SETD2: variants seen among roughly 807,000 people sequenced by gnomAD.
The protein encoded by SETD2 is SET domain containing 2, histone lysine methyltransferase, also known as histone-lysine N-methyltransferase SETD2.
Under a neutral mutation model 242.1 loss-of-function variants are expected in SETD2, and 31 were observed. That is an observed-to-expected ratio of 0.13 (90% CI 0.10 to 0.17). The LOEUF (loss-of-function observed/expected upper bound fraction) is 0.17. Among genes scored for constraint, SETD2 ranks in the 10% least tolerant of loss-of-function variants. The probability of loss-of-function intolerance (pLI) is 1.00; values close to 1 mark genes in which losing one functional copy is unlikely to be tolerated. For missense variants in SETD2, 2,481 were observed against 3,046.3 expected (o/e 0.81, Z 4.37); for synonymous variants, 1,006 against 1,066.5 (o/e 0.94, Z 1.11).
rs1039108977 is a variant in SETD2, at chr3:47,139,893, CCTT to C, written c.72-13233_72-13231del. Among the ~76,000 whole-genome samples, 68 of 152,236 alleles carry C rather than the reference CCTT, an allele frequency of 4.5e-4. No homozygotes were observed. In the South Asian group the frequency reaches 9.6e-3, roughly 21 times the overall value. On this transcript the variant is annotated intron_variant, in intron 1 of 20. Transcript: ENST00000409792. ...TGAGTAGACTTGATATACAAGCACT[CCTT>C]CTCACTTGTTTAAGTCCACATCTTC...
rs779750876 is a variant in SETD2, at chr3:47,083,767, T to C, written c.6013A>G (p.Ile2005Val). The stretch of plus-strand genomic sequence containing the variant: ...AGGAGTTTGGTGGCCAAATCACTTA[T>C]ATCCACTGTTTTATCTGGCTGTTCT... ...SQEQPDKTVD[I>V]SDLATKLLDS... is the part of the protein sequence containing the mutation. Residue 2005 changes from isoleucine (I) to valine (V), a missense_variant, in exon 12 of 21, where the codon ATA becomes GTA. Physicochemically the swap from Ile to Val is conservative, Grantham distance 29 (BLOSUM62 3). Transcript: ENST00000409792. The C allele has an allele frequency of 1.8e-5, 29 of 1,614,000 alleles. No homozygotes were observed. The highest frequency in any genetic ancestry group is 1.7e-4 in the Admixed American group (10 of 59,978).
chr3:47,063,610 C>T (rs879648581), intron 13 of SETD2, among the ~76,000 whole-genome samples: 1 of 152,162 alleles, frequency 6.6e-6, no homozygotes, highest in Non-Finnish European at 1.5e-5. Flanking sequence ...TTCACTTACC[C>T]AATTCCATTC....
intron 12 of SETD2, among the ~76,000 whole-genome samples, chr3:47,078,310 T>C (rs2041179210): frequency 6.6e-6 from 1 of 152,140 alleles, no homozygotes. Flanking sequence ...ACTACTGTAA[T>C]ATTCCTGACC....
At chr3:47,082,012 T>C (rs981889142) in intron 12 of SETD2, among the ~76,000 whole-genome samples, 4 of 152,138 alleles carry the variant, frequency 2.6e-5, no homozygotes, top group African/African-American at 9.7e-5. Context: ...ATGTTTCAGA[T>C]AGGAGTGGGG....
chr3:47,159,100 T>G (rs1294869580), intron 1 of SETD2, among the ~76,000 whole-genome samples: 1 of 151,820 alleles, frequency 6.6e-6, no homozygotes, highest in Non-Finnish European at 1.5e-5. Context: ...AAATGTAAGA[T>G]TCCATCTTAA....
At chr3:47,132,733 C>T (rs1431573533) in intron 1 of SETD2, among the ~76,000 whole-genome samples, 1 of 152,202 alleles carries the variant, frequency 6.6e-6, no homozygotes, top group Non-Finnish European at 1.5e-5. Context: ...CAAAAATTCA[C>T]TCCTACCTAA....
Position 47,084,215 on chromosome 3 carries a change from G to T in SETD2, c.5565C>A (p.Leu1855=), listed in dbSNP as rs201901024. ...SENTSRAHTP[L]NTPDPSTKLS... is the part of the protein sequence containing the mutation. ...GCTTGGTGGAAGGATCAGGTGTGTT[G>T]AGTGGTGTATGAGCACGCGATGTAT... Residue 1855 remains leucine, a synonymous_variant, in exon 12 of 21, where the codon CTC becomes CTA. Coordinates refer to ENST00000409792, the MANE Select transcript of SETD2 (RefSeq NM_014159.7). The T allele has an allele frequency of 5.8e-5, 94 of 1,613,966 alleles. No individual in the cohort carries two copies. Among genetic ancestry groups the T allele is most frequent in the Non-Finnish European group, 6.8e-6 (8 of 1,180,034 alleles).
At chr3:47,159,787 CAAG>C (rs1697434256) in intron 1 of SETD2, among the ~76,000 whole-genome samples, 1 of 152,198 alleles carries the variant, frequency 6.6e-6, no homozygotes, top group African/African-American at 2.4e-5. Context: ...CCAGCGTGGC[CAAG>C]AAGGTGAAAC....
intron 1 of SETD2, among the ~76,000 whole-genome samples, chr3:47,162,503 G>A (rs1299010367): frequency 2.6e-5 from 4 of 152,186 alleles, no homozygotes; most frequent in Non-Finnish European, 5.9e-5. Flanking sequence ...TTTTAGAAAA[G>A]CAAAATAATG....
intron 14 of SETD2, among the ~76,000 whole-genome samples, chr3:47,061,929 T>TTAA (rs2040350676): frequency 6.6e-6 from 1 of 152,222 alleles, no homozygotes; most frequent in South Asian, 2.1e-4. Context: ...GACATTTAAA[T>TTAA]ATTATCAAAT....
intron 5 of SETD2, among the ~76,000 whole-genome samples, chr3:47,112,123 T>G (rs2042677992): frequency 6.6e-6 from 1 of 151,824 alleles, no homozygotes; most frequent in Non-Finnish European, 1.5e-5. Flanking sequence ...TACTTTTTTT[T>G]TTTTTTTTTG....
chr3:47,023,225 C>T (rs913818976), intron 18 of SETD2, among the ~76,000 whole-genome samples: 12 of 151,990 alleles, frequency 7.9e-5, no homozygotes, highest in Non-Finnish European at 1.6e-4. Flanking sequence ...ATGGTGAAAC[C>T]CCGTCTCTAC....
intron 14 of SETD2, among the ~76,000 whole-genome samples, chr3:47,060,169 A>T (rs1341232052): frequency 6.6e-6 from 1 of 152,148 alleles, no homozygotes; most frequent in Non-Finnish European, 1.5e-5. Flanking sequence ...AAGTGGGAGG[A>T]CTGCCTGAGC....
chr3:47,041,501 A>C (rs1292949050), intron 17 of SETD2: 31 of 254,262 alleles, frequency 1.2e-4, no homozygotes, highest in South Asian at 1.1e-3. Context: ...AAAAAGAAAA[A>C]AAAAATTTTA....
In SETD2 at chr3:47,091,741, C is replaced by T. The variant is rs1365915474; in HGVS notation, c.5143-3494G>A. 5.3e-5 allele frequency among the ~76,000 whole-genome samples: 8 copies of T among 151,368 alleles called. No homozygotes were observed. In the South Asian group the frequency reaches 1.7e-3, roughly 32 times the overall value. On this transcript the variant is annotated intron_variant, in intron 9 of 20. Coordinates refer to ENST00000409792, the MANE Select transcript of SETD2 (RefSeq NM_014159.7). Reference sequence around the variant, plus strand: ...TCGTGCCACTGTACTCTAGCCTGGGCGACAGAGCAAGACTCTGTCTCAAAA... The same window carrying T: ...TCGTGCCACTGTACTCTAGCCTGGGTGACAGAGCAAGACTCTGTCTCAAAA...
chr3:47,055,681 A>G (rs2040023498), intron 15 of SETD2, among the ~76,000 whole-genome samples: 1 of 150,078 alleles, frequency 6.7e-6, no homozygotes, highest in South Asian at 2.1e-4. Flanking sequence ...TGGCAGAGCA[A>G]GACCTAATCT....
At chr3:47,103,233 T>C (rs2042283551) in intron 7 of SETD2, 113 bp downstream of exon 7, 2 of 681,360 alleles carry the variant, frequency 2.9e-6, no homozygotes, top group South Asian at 3.6e-5. Flanking sequence ...TAAAGTAGAA[T>C]AGGAAAAAGG....
chr3:47,068,971 T>C (rs2040694697), intron 12 of SETD2, among the ~76,000 whole-genome samples: 1 of 151,380 alleles, frequency 6.6e-6, no homozygotes, highest in African/African-American at 2.4e-5. Context: ...ATTTTTGTAT[T>C]TTTAGTAGAG....
At chr3:47,100,279 T>A (rs1187428346) in intron 8 of SETD2, among the ~76,000 whole-genome samples, 6 of 151,028 alleles carry the variant, frequency 4.0e-5, no homozygotes, top group Admixed American at 2.6e-4. Flanking sequence ...TTTTATTTTT[T>A]TTAGATGGAG....
Sources: gnomAD v4.1 joint callset for allele counts (sites outside exome capture counted in the v4.1 genomes callset) on GRCh38, gnomAD v4.1.1 for gene constraint, MANE v1.5 for transcripts, NCBI Gene and HGNC (gene_info 2026-07-23, HGNC 2026-07-21) for gene names.